Variants in PCCA observed in about 807,000 individuals in gnomAD.
PCCA encodes the protein propionyl-CoA carboxylase alpha chain, mitochondrial.
In PCCA, 74 loss-of-function variants were observed where a neutral mutation model predicts 101.3. That is an observed-to-expected ratio of 0.73 (90% CI 0.61 to 0.89). PCCA has a LOEUF of 0.89. PCCA is among the 40% of genes least tolerant of loss of function. PCCA has a pLI of 0.00. For synonymous variants in PCCA, 294 were observed against 313.6 expected, an observed-to-expected ratio of 0.94 and a Z score of 0.66; for missense variants, 891 against 907.0, an observed-to-expected ratio of 0.98 and a Z score of 0.23.
intron 6 of PCCA, among the ~76,000 whole-genome samples, chr13:100,182,083 T>C (rs1424539482): frequency 6.7e-6 from 1 of 148,806 alleles, no homozygotes; most frequent in Non-Finnish European, 1.5e-5. Context: ...TTACTAATAT[T>C]GTTTTTTTCT....
intron 4 of PCCA, among the ~76,000 whole-genome samples, chr13:100,119,353 ATGTT>A (rs1183306534): frequency 1.3e-5 from 2 of 151,984 alleles, no homozygotes; most frequent in African/African-American, 4.8e-5. Flanking sequence ...GTGTGATTCT[ATGTT>A]TGGTGCTTTT....
At chr13:100,377,921 C>T (rs1335636074) in intron 19 of PCCA, among the ~76,000 whole-genome samples, 1 of 152,090 alleles carries the variant, frequency 6.6e-6, no homozygotes, top group Non-Finnish European at 1.5e-5. Context: ...CTTGTTCCTT[C>T]CTATTTTATA....
At chr13:100,095,352 C>T (rs2046674508) in intron 1 of PCCA, among the ~76,000 whole-genome samples, 1 of 152,190 alleles carries the variant, frequency 6.6e-6, no homozygotes, top group Non-Finnish European at 1.5e-5. Flanking sequence ...AATTCACCTA[C>T]ACGTAGTATG....
At chr13:100,229,613 C>T (rs1324191377) in intron 7 of PCCA, among the ~76,000 whole-genome samples, 1 of 152,122 alleles carries the variant, frequency 6.6e-6, no homozygotes, top group African/African-American at 2.4e-5. Flanking sequence ...CTTTGTTCTC[C>T]TCTGCCGTTG....
At chr13:100,508,313 C>T (rs559807327) in intron 21 of PCCA, among the ~76,000 whole-genome samples, 4 of 152,222 alleles carry the variant, frequency 2.6e-5, no homozygotes, top group African/African-American at 9.6e-5. Context: ...TTGGGATTTT[C>T]TTCCCACTCC....
chr13:100,236,794 G>A (rs781087294), intron 8 of PCCA: 4 of 152,070 alleles, frequency 2.6e-5, no homozygotes, highest in South Asian at 2.1e-4. Context: ...TATTCTTGGC[G>A]GTCATGAGAA....
At chr13:100,314,688 A>C (rs1471829704) in intron 16 of PCCA, among the ~76,000 whole-genome samples, 1 of 152,228 alleles carries the variant, frequency 6.6e-6, no homozygotes, top group East Asian at 1.9e-4. Context: ...AACATCAGAC[A>C]AACCAAATTG....
At chr13:100,107,468 C>T (rs558523403) in intron 2 of PCCA, among the ~76,000 whole-genome samples, 1 of 152,014 alleles carries the variant, frequency 6.6e-6, no homozygotes. Context: ...ACACGGGATT[C>T]CTTGAGACCG....
At position 100,392,005 on chromosome 13, in the gene PCCA, TAA is replaced by T. The variant is rs1478767373; in HGVS notation, c.1746+23432_1746+23433del. ...TCTCTTAAGTGACCCCTTAGTCACT[TAA>T]GATGGTGTTCATTTCCATCATTGTG... On this transcript the variant is annotated intron_variant, in intron 19 of 23. Transcript: ENST00000376285. Among the ~76,000 whole-genome samples, 166 of 152,350 alleles carry T rather than the reference TAA, an allele frequency of 1.1e-3. 6 individuals are homozygous for T. The South Asian group carries it at 0.031, about 29-fold the overall frequency.
chr13:100,514,147 C>T (rs1222835866), intron 21 of PCCA, among the ~76,000 whole-genome samples: 3 of 152,192 alleles, frequency 2.0e-5, no homozygotes, highest in Non-Finnish European at 4.4e-5. Context: ...ACTTAAGGAA[C>T]ATATCCTTCA....
chr13:100,313,388 A>C (rs2067086250), intron 16 of PCCA, among the ~76,000 whole-genome samples: 1 of 152,240 alleles, frequency 6.6e-6, no homozygotes, highest in Non-Finnish European at 1.5e-5. Context: ...TTTATTACTC[A>C]AATAAATTTC....
intron 21 of PCCA, among the ~76,000 whole-genome samples, chr13:100,456,443 C>T (rs1451291759): frequency 1.3e-5 from 2 of 152,080 alleles, no homozygotes; most frequent in Non-Finnish European, 2.9e-5. Context: ...TAAATAAAGA[C>T]ACAAGACAAA....
intron 21 of PCCA, among the ~76,000 whole-genome samples, chr13:100,469,224 A>AAAAAAAAAAAAAAAAAAG (rs1235528727): frequency 1.3e-5 from 2 of 150,298 alleles, no homozygotes; most frequent in African/African-American, 4.9e-5. Context: ...AAAAAAAAAA[A>AAAAAAAAAAAAAAAAAAG]AAAGAATCCC....
chr13:100,378,198 A>G (rs2076036583), intron 19 of PCCA, among the ~76,000 whole-genome samples: 1 of 152,164 alleles, frequency 6.6e-6, no homozygotes, highest in Non-Finnish European at 1.5e-5. Flanking sequence ...GGATATTATT[A>G]CTGGGTATAG....
chr13:100,404,709 A>C (rs1220547602), intron 19 of PCCA, among the ~76,000 whole-genome samples: 3 of 152,078 alleles, frequency 2.0e-5, no homozygotes, highest in Non-Finnish European at 4.4e-5. Flanking sequence ...CTGTCAAATC[A>C]ACTTGCACCG....
chr13:100,443,474 T>C (rs1217637056), intron 20 of PCCA, among the ~76,000 whole-genome samples: 1 of 151,932 alleles, frequency 6.6e-6, no homozygotes, highest in Non-Finnish European at 1.5e-5. Flanking sequence ...TCAATAATGT[T>C]TCATGACCCA....
At chr13:100,150,997 G>T in intron 4 of PCCA, 2 of 1,523,078 alleles carry the variant, frequency 1.3e-6, no homozygotes. Context: ...GGAGAGCAGA[G>T]AGCTGGCGGT....
At chr13:100,136,866 TTTTTCTCTA>T (rs1380990957) in intron 4 of PCCA, among the ~76,000 whole-genome samples, 1 of 151,992 alleles carries the variant, frequency 6.6e-6, no homozygotes, top group African/African-American at 2.4e-5. Flanking sequence ...ATTGATGTCT[TTTTTCTCTA>T]TTTTCTCTTT....
intron 20 of PCCA, among the ~76,000 whole-genome samples, chr13:100,444,491 G>A (rs190561298): frequency 2.4e-4 from 32 of 134,178 alleles, no homozygotes; most frequent in African/African-American, 7.7e-4. Flanking sequence ...CACCCAGGCT[G>A]GAGTGCAGTG....
Sources: gnomAD v4.1 joint callset for allele counts (sites outside exome capture counted in the v4.1 genomes callset) on GRCh38, gnomAD v4.1.1 for gene constraint, MANE v1.5 for transcripts, NCBI Gene and HGNC (gene_info 2026-07-23, HGNC 2026-07-21) for gene names.